Variants in FMN1 observed in about 807,000 individuals in gnomAD.
The protein encoded by FMN1 is formin-1.
Under a neutral mutation model 132.4 loss-of-function variants are expected in FMN1, and 110 were observed. The ratio of observed to expected loss-of-function variants is 0.83; its 90% CI spans 0.71 to 0.97. The LOEUF (loss-of-function observed/expected upper bound fraction) is 0.97, where lower values mean the gene tolerates loss of function less well. Among genes scored for constraint, FMN1 ranks in the 50% least tolerant of loss-of-function variants. The probability of loss-of-function intolerance (pLI) is 0.00; values close to 1 mark genes in which losing one functional copy is unlikely to be tolerated. For synonymous variants in FMN1, 722 were observed against 651.7 expected (o/e 1.11, Z -1.64); for missense variants, 1,792 against 1,705.3 (o/e 1.05, Z -0.90).
chr15:33,024,316 G>C (rs374257928), intron 6 of FMN1, among the ~76,000 whole-genome samples: 149 of 136,204 alleles, frequency 1.1e-3, no homozygotes, highest in African/African-American at 3.8e-3. Flanking sequence ...ACGTGATCTC[G>C]GCTCACTGCA....
At chr15:33,039,635 G>C (rs1452920239) in intron 6 of FMN1, among the ~76,000 whole-genome samples, 1 of 152,138 alleles carries the variant, frequency 6.6e-6, no homozygotes, top group Non-Finnish European at 1.5e-5. Context: ...AAATAAATTA[G>C]TGTAAATTCA....
intron 16 of FMN1, among the ~76,000 whole-genome samples, chr15:32,873,940 A>G (rs2141390129): frequency 6.6e-6 from 1 of 151,244 alleles, no homozygotes; most frequent in East Asian, 1.9e-4. Flanking sequence ...TTATTCCTAG[A>G]TTAGCCGCCT....
In FMN1 at chr15:32,848,977, G is replaced by GTTTTTTTT. The variant is rs71113479; in HGVS notation, c.3928+8030_3928+8037dup. Among the ~76,000 whole-genome samples, 21 of 89,548 alleles carry GTTTTTTTT rather than the reference G, an allele frequency of 2.3e-4. 3 individuals carry two copies. The highest frequency in any genetic ancestry group is 7.9e-4 in the East Asian group (2 of 2,528). The allele number at this position is 89,548 out of a possible 152,430, so 58.7% of individuals were successfully genotyped here. A position where few individuals can be genotyped will look rare whatever the true frequency, so the allele number is the denominator to read the frequency against. ...ATCAGTCTTGGGTTAGTTCTCTTTT[G>GTTTTTTTT]TTTTTTTTTTTTTTTTTTTTTTCAG... On this transcript the variant is annotated intron_variant, in intron 17 of 20. Coordinates refer to ENST00000616417, the MANE Select transcript of FMN1 (RefSeq NM_001277313.2).
chr15:33,044,285 A>T (rs2036577040), intron 6 of FMN1, among the ~76,000 whole-genome samples: 2 of 152,178 alleles, frequency 1.3e-5, no homozygotes, highest in African/African-American at 4.8e-5. Context: ...TCCTGGGTGA[A>T]AAGGGGTAGG....
intron 2 of FMN1, among the ~76,000 whole-genome samples, chr15:33,183,710 A>G (rs922161826): frequency 4.6e-5 from 7 of 152,198 alleles, no homozygotes; most frequent in Non-Finnish European, 5.9e-5. Context: ...TGTATGCACT[A>G]AATTCATTTA....
At chr15:33,168,820 A>G (rs541276809) in intron 3 of FMN1, among the ~76,000 whole-genome samples, 3 of 152,320 alleles carry the variant, frequency 2.0e-5, no homozygotes, top group East Asian at 3.9e-4. Context: ...TGATATTGGA[A>G]TTTAAAATAA....
intron 16 of FMN1, among the ~76,000 whole-genome samples, chr15:32,857,740 TAG>T (rs781389568): frequency 1.3e-5 from 2 of 152,236 alleles, no homozygotes; most frequent in Non-Finnish European, 2.9e-5. Flanking sequence ...AAATTTGTAA[TAG>T]AGTACTTTTT....
At chr15:32,844,952 T>C (rs1455126310) in intron 17 of FMN1, among the ~76,000 whole-genome samples, 1 of 152,196 alleles carries the variant, frequency 6.6e-6, no homozygotes, top group Non-Finnish European at 1.5e-5. Flanking sequence ...TAAGGCCAAA[T>C]GAACTCAGCA....
At chr15:33,019,421 T>G (rs1490736001) in intron 6 of FMN1, among the ~76,000 whole-genome samples, 1 of 152,186 alleles carries the variant, frequency 6.6e-6, no homozygotes, top group Non-Finnish European at 1.5e-5. Context: ...CCAGCTGGCT[T>G]CACCCAGTGG....
At chr15:32,949,584 C>T (rs566511093) in intron 9 of FMN1, among the ~76,000 whole-genome samples, 13 of 151,986 alleles carry the variant, frequency 8.6e-5, no homozygotes, top group Admixed American at 7.2e-4. Context: ...AAATGTAAAA[C>T]CCAAAACTAT....
rs535071200 is a variant in FMN1, at chr15:33,034,319, C to A, written c.2162-26244G>T. On this transcript the variant is annotated intron_variant, in intron 6 of 20. Coordinates refer to ENST00000616417, the MANE Select transcript of FMN1 (RefSeq NM_001277313.2). ...TGCTCAGGTCAAATACCCTGACGTC[C>A]CAGCACTTTGGGAGGCCAAGGGTTC... Among the ~76,000 whole-genome samples the A allele has an allele frequency of 4.5e-4, 68 of 152,256 alleles. 2 individuals carry two copies. The South Asian group carries it at 0.014, about 31-fold the overall frequency.
intron 19 of FMN1, among the ~76,000 whole-genome samples, chr15:32,790,317 G>T (rs2057030982): frequency 6.6e-6 from 1 of 152,308 alleles, no homozygotes; most frequent in South Asian, 2.1e-4. Flanking sequence ...GAAGAGAACT[G>T]CAAGATCACC....
rs984190219 is a variant in FMN1, at chr15:32,838,291, C to T, written c.3928+18724G>A. Among the ~76,000 whole-genome samples the T allele has an allele frequency of 8.5e-5, 13 of 152,146 alleles. No homozygotes were observed. In the East Asian group the frequency reaches 1.5e-3, roughly 18 times the overall value. On this transcript the variant is annotated intron_variant, in intron 17 of 20. Transcript: ENST00000616417. ...GCGGAAGGGGAGAAAGAAAAAAAAT[C>T]GGAGAGGTGAGGCCAATGTATGGAA...
chr15:32,863,132 C>T (rs1478204508), intron 16 of FMN1, among the ~76,000 whole-genome samples: 2 of 152,166 alleles, frequency 1.3e-5, no homozygotes, highest in African/African-American at 4.8e-5. Flanking sequence ...GTTTATCATA[C>T]AGGAATCCAT....
chr15:32,953,626 AG>A (rs1276882503), intron 9 of FMN1, among the ~76,000 whole-genome samples: 6 of 152,128 alleles, frequency 3.9e-5, no homozygotes, highest in African/African-American at 1.4e-4. Flanking sequence ...AGACTATCCT[AG>A]GAAGTAAGTG....
intron 17 of FMN1, among the ~76,000 whole-genome samples, chr15:32,816,064 G>T (rs12324752): frequency 6.6e-6 from 1 of 152,024 alleles, no homozygotes; most frequent in African/African-American, 2.4e-5. Context: ...AGTAAATACC[G>T]ATTATGATAA....
intron 6 of FMN1, among the ~76,000 whole-genome samples, chr15:33,044,051 T>G (rs1369347825): frequency 6.6e-6 from 1 of 152,192 alleles, no homozygotes; most frequent in Admixed American, 6.5e-5. Context: ...AGTGCACAGT[T>G]GAGACCAAGC....
chr15:32,837,059 C>A, intron 17 of FMN1: 1 of 230,586 alleles, frequency 4.3e-6, no homozygotes, highest in South Asian at 8.2e-5. Context: ...CCTTCTCACT[C>A]TGCTACAATG....
intron 6 of FMN1, among the ~76,000 whole-genome samples, chr15:33,010,264 G>A (rs1284786353): frequency 6.6e-6 from 1 of 152,102 alleles, no homozygotes; most frequent in Non-Finnish European, 1.5e-5. Flanking sequence ...CAATCTAGAG[G>A]GATGAAGAAC....
Sources: allele counts gnomAD v4.1 joint callset (sites outside exome capture counted in the v4.1 genomes callset), GRCh38; gene constraint gnomAD v4.1.1; transcripts MANE v1.5; gene names NCBI Gene and HGNC (gene_info 2026-07-23, HGNC 2026-07-21).